The following SAMD12 variants were observed in gnomAD, a reference collection of about 807,000 sequenced individuals.
SAMD12 encodes the protein sterile alpha motif domain-containing protein 12.
A neutral mutation model predicts 15.0 loss-of-function variants in SAMD12; 9 were observed. The observed-to-expected ratio is 0.60, with a 90% CI of 0.36 to 1.05. SAMD12 has a LOEUF of 1.05. Among genes scored for constraint, SAMD12 ranks in the 50% least tolerant of loss-of-function variants. SAMD12 has a pLI of 0.01. For missense variants in SAMD12, 230 were observed against 234.2 expected (o/e 0.98, Z 0.12); for synonymous variants, 86 against 90.1 (o/e 0.96, Z 0.25).
chr8:118,524,410 T>A (rs1416635598), intron 2 of SAMD12, among the ~76,000 whole-genome samples: 2 of 152,166 alleles, frequency 1.3e-5, no homozygotes, highest in African/African-American at 4.8e-5. Context: ...TTGCTCCTTC[T>A]CTGACTCCTT....
At chr8:118,273,496 T>C (rs967059028) in intron 4 of SAMD12, among the ~76,000 whole-genome samples, 4 of 152,154 alleles carry the variant, frequency 2.6e-5, no homozygotes, top group Non-Finnish European at 5.9e-5. Flanking sequence ...TTTATATAAG[T>C]TTCCCCACTG....
chr8:118,529,224 T>C (rs1332677440), intron 2 of SAMD12, among the ~76,000 whole-genome samples: 2 of 152,216 alleles, frequency 1.3e-5, no homozygotes, highest in Non-Finnish European at 2.9e-5. Flanking sequence ...TTCAGAGGCC[T>C]CAGCTGCGTT....
At chr8:118,279,053 TTCAGG>T (rs1813541714) in intron 4 of SAMD12, among the ~76,000 whole-genome samples, 6 of 152,150 alleles carry the variant, frequency 3.9e-5, no homozygotes, top group Admixed American at 3.9e-4. Context: ...AATCTGGGCA[TTCAGG>T]AAAAAAATTA....
chr8:118,439,934 C>A lies in SAMD12; in HGVS notation c.220G>T (p.Val74Leu). 1 of 1,613,676 alleles carries A rather than the reference C, an allele frequency of 6.2e-7. No homozygotes were observed. Among genetic ancestry groups the A allele is most frequent in the Non-Finnish European group, 8.5e-7 (1 of 1,179,672 alleles). Residue 74 changes from valine (V) to leucine (L), a missense_variant, in exon 3 of 4, where the codon GTG (valine) becomes TTG (leucine). Val to Leu is a conservative substitution (Grantham distance 32, BLOSUM62 1). Transcript: ENST00000314727. The part of the protein sequence containing the change: ...KSATVKLSKP[V>L]ALWTQQDVCK... ...ACATCCTGCTGGGTCCATAGAGCCA[C>A]CGGTTTAGATAGCTTCACCGTAGCT...
At chr8:118,425,198 A>T (rs945825605) in intron 3 of SAMD12, among the ~76,000 whole-genome samples, 1 of 152,270 alleles carries the variant, frequency 6.6e-6, no homozygotes, top group East Asian at 1.9e-4. Flanking sequence ...TTGGCCTCCC[A>T]AAGTGCTGGG....
intron 4 of SAMD12, among the ~76,000 whole-genome samples, chr8:118,331,390 T>G (rs1004670003): frequency 2.0e-5 from 3 of 152,064 alleles, no homozygotes; most frequent in African/African-American, 2.4e-5. Flanking sequence ...TTACTGAAAA[T>G]AGAAAAACAC....
intron 4 of SAMD12, among the ~76,000 whole-genome samples, chr8:118,369,574 G>T (rs1426731066): frequency 6.6e-6 from 1 of 151,960 alleles, no homozygotes; most frequent in Non-Finnish European, 1.5e-5. Context: ...AAATTAGCTG[G>T]GCATGGTGGT....
At chr8:118,579,203 T>A (rs1455822603) in intron 2 of SAMD12, among the ~76,000 whole-genome samples, 1 of 143,324 alleles carries the variant, frequency 7.0e-6, no homozygotes, top group Non-Finnish European at 1.5e-5. Flanking sequence ...AGTTAACTTT[T>A]CTCTCTACTC....
At chr8:118,497,607 A>G (rs1312962991) in intron 2 of SAMD12, among the ~76,000 whole-genome samples, 3 of 151,640 alleles carry the variant, frequency 2.0e-5, no homozygotes, top group African/African-American at 4.9e-5. Context: ...CCTATAGGGC[A>G]CTATGCTCAC....
intron 4 of SAMD12, among the ~76,000 whole-genome samples, chr8:118,245,292 G>A (rs560172093): frequency 9.9e-5 from 15 of 152,218 alleles, no homozygotes; most frequent in Non-Finnish European, 2.1e-4. Flanking sequence ...GTTTTCAGAA[G>A]AGCTTCTCCA....
intron 2 of SAMD12, among the ~76,000 whole-genome samples, chr8:118,546,031 C>T (rs1442009629): frequency 6.6e-6 from 1 of 152,172 alleles, no homozygotes; most frequent in Non-Finnish European, 1.5e-5. Context: ...CTCCATGGAG[C>T]ACATGTAAAA....
At chr8:118,268,229 TTCC>T (rs1399729125) in intron 4 of SAMD12, among the ~76,000 whole-genome samples, 1 of 152,192 alleles carries the variant, frequency 6.6e-6, no homozygotes, top group African/African-American at 2.4e-5. Context: ...GGATTTAACT[TTCC>T]TCCCTCCACT....
At chr8:118,205,672 A>G (rs946647356) in intron 4 of SAMD12, among the ~76,000 whole-genome samples, 8 of 151,910 alleles carry the variant, frequency 5.3e-5, no homozygotes, top group Admixed American at 4.6e-4. Context: ...CTTGGCCTCC[A>G]CCCCCACCCT....
chr8:118,455,268 C>CCTCTCT lies in SAMD12; in HGVS notation c.193-15313_193-15308dup, dbSNP rs57371997. 3.4e-3 allele frequency among the ~76,000 whole-genome samples: 511 copies of CCTCTCT among 148,572 alleles called. 1 individual carries two copies. The highest frequency in any genetic ancestry group is 8.1e-3 in the South Asian group (37 of 4,586). ...ACACTTTCTTCTCCTGGCTTTCACA[C>CCTCTCT]CTCTCTCTCTCTCTCTCTCTCTCTA... is the stretch of plus-strand genomic sequence containing the variant. On this transcript the variant is annotated intron_variant, in intron 2 of 3. Coordinates refer to ENST00000314727, the MANE Select transcript of SAMD12 (RefSeq NM_207506.3).
At chr8:118,320,361 G>A (rs1470243889) in intron 4 of SAMD12, among the ~76,000 whole-genome samples, 1 of 151,984 alleles carries the variant, frequency 6.6e-6, no homozygotes, top group Admixed American at 6.6e-5. Context: ...ATATAGAAAG[G>A]GTTAAGGGAA....
At chr8:118,202,040 G>A (rs114213328) in intron 4 of SAMD12, among the ~76,000 whole-genome samples, 58 of 152,306 alleles carry the variant, frequency 3.8e-4, no homozygotes, top group African/African-American at 1.3e-3. Flanking sequence ...GCTATGTGAT[G>A]TTGAACACAT....
chr8:118,396,753 T>C (rs1243307183), intron 3 of SAMD12, among the ~76,000 whole-genome samples: 2 of 152,214 alleles, frequency 1.3e-5, no homozygotes, highest in African/African-American at 4.8e-5. Context: ...TAATGACTTA[T>C]CATGTGCCAG....
the SAMD12 span, among the ~76,000 whole-genome samples, chr8:118,178,383 T>C: frequency 6.6e-6 from 1 of 152,158 alleles, no homozygotes; most frequent in Non-Finnish European, 1.5e-5. Context: ...ATATACTAAG[T>C]TTTGGCTCTT....
the SAMD12 span, among the ~76,000 whole-genome samples, chr8:118,145,978 G>A: frequency 6.6e-6 from 1 of 152,194 alleles, no homozygotes; most frequent in African/African-American, 2.4e-5. Context: ...TTTCTTGAAG[G>A]GAGATCAAAG....
Sources: allele counts gnomAD v4.1 joint callset (sites outside exome capture counted in the v4.1 genomes callset), GRCh38; gene constraint gnomAD v4.1.1; transcripts MANE v1.5; gene names NCBI Gene and HGNC (gene_info 2026-07-23, HGNC 2026-07-21).